OSBPL11: variants seen among roughly 807,000 people sequenced by gnomAD.
The protein encoded by OSBPL11 is oxysterol binding protein like 11, also known as oxysterol-binding protein-related protein 11.
In OSBPL11, 33 loss-of-function variants were observed where a neutral mutation model predicts 84.4. The observed-to-expected ratio is 0.39, with a 90% CI of 0.30 to 0.52. The LOEUF is 0.52. OSBPL11 is among the 20% of genes least tolerant of loss of function. The pLI is 0.72. For synonymous variants in OSBPL11, 276 were observed against 310.2 expected, an observed-to-expected ratio of 0.89 and a Z score of 1.16; for missense variants, 736 against 901.1, an observed-to-expected ratio of 0.82 and a Z score of 2.35.
chr3:125,579,819 A>G (rs1399434041), intron 3 of OSBPL11, 46 bp downstream of exon 3: 1 of 1,584,332 alleles, frequency 6.3e-7, no homozygotes, highest in African/African-American at 1.4e-5. Flanking sequence ...CAACTTCTCA[A>G]AAAAAGAGGA....
chr3:125,580,369 C>A (rs1936403978), intron 2 of OSBPL11, among the ~76,000 whole-genome samples: 1 of 151,884 alleles, frequency 6.6e-6, no homozygotes, highest in Non-Finnish European at 1.5e-5. Context: ...ACAAAATTAG[C>A]CAGGTGTGGT....
At chr3:125,550,425 A>AGAGAG (rs373970630) in intron 9 of OSBPL11, among the ~76,000 whole-genome samples, 124 of 149,714 alleles carry the variant, frequency 8.3e-4, no homozygotes, top group African/African-American at 2.8e-3. Context: ...AAAAAAAAAA[A>AGAGAG]AGAGAGTACT....
At chr3:125,592,073 A>G (rs1446337383) in intron 1 of OSBPL11, among the ~76,000 whole-genome samples, 3 of 152,188 alleles carry the variant, frequency 2.0e-5, no homozygotes. Flanking sequence ...TTATTTAACT[A>G]TTTTTGAGAC....
intron 5 of OSBPL11, among the ~76,000 whole-genome samples, chr3:125,573,010 A>AGT (rs548612736): frequency 2.2e-3 from 322 of 147,566 alleles, no homozygotes; most frequent in Middle Eastern, 7.1e-3. Context: ...TAGTATATAT[A>AGT]GTGTGTGTGT....
intron 1 of OSBPL11, among the ~76,000 whole-genome samples, chr3:125,592,226 A>G (rs1402639656): frequency 6.6e-6 from 1 of 151,808 alleles, no homozygotes; most frequent in Non-Finnish European, 1.5e-5. Flanking sequence ...TTTTGTAGAG[A>G]TGGGGTCTCT....
At chr3:125,574,529 T>C (rs1473500218) in intron 5 of OSBPL11, among the ~76,000 whole-genome samples, 9 of 149,272 alleles carry the variant, frequency 6.0e-5, no homozygotes, top group Admixed American at 5.4e-4. Context: ...TGTGAAAGAA[T>C]GACAGAAAGA....
intron 8 of OSBPL11, among the ~76,000 whole-genome samples, chr3:125,559,156 T>C (rs541833954): frequency 1.3e-5 from 2 of 152,342 alleles, no homozygotes; most frequent in South Asian, 4.1e-4. Flanking sequence ...ATATTTACTA[T>C]CTGGCCCTTT....
At chr3:125,572,618 T>C (rs1395463916) in intron 5 of OSBPL11, among the ~76,000 whole-genome samples, 1 of 151,984 alleles carries the variant, frequency 6.6e-6, no homozygotes, top group Admixed American at 6.6e-5. Flanking sequence ...GGAGTTCCCC[T>C]GCACAAGTTT....
intron 10 of OSBPL11, among the ~76,000 whole-genome samples, chr3:125,544,511 A>G (rs918287889): frequency 2.0e-5 from 3 of 152,342 alleles, no homozygotes; most frequent in East Asian, 1.9e-4. Context: ...TGTGGTTGCT[A>G]TCTAGGTGCT....
intron 1 of OSBPL11, among the ~76,000 whole-genome samples, chr3:125,583,451 T>C (rs768283001): frequency 4.6e-5 from 7 of 151,098 alleles, no homozygotes; most frequent in Admixed American, 2.0e-4. Flanking sequence ...CGTGGTGGTG[T>C]GTGCCTGTAG....
Position 125,590,713 on chromosome 3 carries a change from A to G in OSBPL11, c.164+3924T>C, listed in dbSNP as rs554824803. 4.6e-5 allele frequency among the ~76,000 whole-genome samples: 7 copies of G among 152,336 alleles called. No individual in the cohort carries two copies. In the East Asian group the frequency reaches 1.3e-3, roughly 29 times the overall value. ...GTGTGCACATTAATTTGGCATTAAT[A>G]AAAGAGTGCTTCAGACATAGTAGAG... On this transcript the variant is annotated intron_variant, in intron 1 of 12. Transcript: ENST00000296220.
chr3:125,558,010 T>C (rs376451425), intron 8 of OSBPL11, among the ~76,000 whole-genome samples: 29 of 152,176 alleles, frequency 1.9e-4, no homozygotes, highest in African/African-American at 6.7e-4. Flanking sequence ...GCTAGGCTGG[T>C]CTCGAACTCT....
chr3:125,594,048 G>A (rs986833708), intron 1 of OSBPL11, among the ~76,000 whole-genome samples: 1 of 152,210 alleles, frequency 6.6e-6, no homozygotes, highest in African/African-American at 2.4e-5. Flanking sequence ...TCAACACAGA[G>A]AGCATTGAAG....
At position 125,530,296 on chromosome 3, in the gene OSBPL11, T is replaced by C. The variant is rs1935537962; in HGVS notation, c.*219A>G. 7.2e-6 allele frequency: 4 copies of C among 554,928 alleles called. No homozygotes were observed. The Admixed American group carries it at 9.1e-5, about 13-fold the overall frequency. 34.4% of individuals were successfully genotyped at this position (554,928 alleles called of 1,614,324 possible). On this transcript the variant is annotated 3_prime_UTR_variant, in exon 13 of 13. Coordinates refer to ENST00000296220, the MANE Select transcript of OSBPL11 (RefSeq NM_022776.5). ...CAGGTAACAAGTTTTAAGATGGTAT[T>C]GCTCACATCACATGAACAGGTTGGT...
At chr3:125,534,771 T>C (rs1011075367) in intron 11 of OSBPL11, among the ~76,000 whole-genome samples, 3 of 151,782 alleles carry the variant, frequency 2.0e-5, no homozygotes, top group African/African-American at 7.2e-5. Flanking sequence ...TAAATAATTT[T>C]TTATTGCAAT....
Position 125,595,008 on chromosome 3 carries a change from G to T in OSBPL11, c.-208C>A, listed in dbSNP as rs1936659123. ...CTTTTGAGAGGGCAGGGGAAGCAAC[G>T]AGGACAGATATCCTTCACATGTATC... On this transcript the variant is annotated 5_prime_UTR_variant, in exon 1 of 13. Coordinates refer to ENST00000296220, the MANE Select transcript of OSBPL11 (RefSeq NM_022776.5). 2 of 549,962 alleles carry T rather than the reference G, an allele frequency of 3.6e-6. No homozygotes were observed. The highest frequency in any genetic ancestry group is 6.2e-5 in the Admixed American group (2 of 32,378). 34.1% of individuals were successfully genotyped at this position (549,962 alleles called of 1,614,324 possible).
chr3:125,560,569 T>A, intron 7 of OSBPL11, 50 bp from the exon 8 acceptor site: 1 of 1,423,878 alleles, frequency 7.0e-7, no homozygotes, highest in Non-Finnish European at 9.4e-7. Flanking sequence ...CCTATTCATA[T>A]CCATTGAGAA....
intron 7 of OSBPL11, among the ~76,000 whole-genome samples, 177 bp downstream of exon 7, chr3:125,563,521 C>T (rs1936108518): frequency 6.6e-6 from 1 of 152,026 alleles, no homozygotes; most frequent in African/African-American, 2.4e-5. Context: ...GAAAATTCAA[C>T]AAGTTTAATA....
chr3:125,595,393 C>T lies in OSBPL11; in HGVS notation c.-593G>A, dbSNP rs930126350. The stretch of plus-strand genomic sequence containing the variant: ...GGGCCGCCTCTCCCAGGGCCAGAGG[C>T]GAGCCACTCGGGACAACTTCCTCTT... On this transcript the variant is annotated 5_prime_UTR_variant, in exon 1 of 13. Coordinates refer to ENST00000296220, the MANE Select transcript of OSBPL11 (RefSeq NM_022776.5). 4.6e-5 allele frequency among the ~76,000 whole-genome samples: 7 copies of T among 152,132 alleles called. No homozygotes were observed. The highest frequency in any genetic ancestry group is 8.8e-5 in the Non-Finnish European group (6 of 67,974).
Sources: allele counts gnomAD v4.1 joint callset (sites outside exome capture counted in the v4.1 genomes callset), GRCh38; gene constraint gnomAD v4.1.1; transcripts MANE v1.5; gene names NCBI Gene and HGNC (gene_info 2026-07-23, HGNC 2026-07-21).